Variants in CLDN23 observed in about 807,000 individuals in gnomAD.
The protein encoded by CLDN23 is claudin-23.
Under a neutral mutation model 1.4 loss-of-function variants are expected in CLDN23, and 3 were observed. That is an observed-to-expected ratio of 2.10 (90% CI 0.96 to 5.43). The LOEUF is 5.43. Among genes scored for constraint, CLDN23 ranks in the 30% most tolerant of loss-of-function variants. The pLI is 0.02. For synonymous variants in CLDN23, 291 were observed against 209.9 expected (o/e 1.39, Z -3.34); for missense variants, 597 against 433.5 (o/e 1.38, Z -3.35).
rs1802743993 is a variant in CLDN23 at position 8,702,283 on chromosome 8, G to A, written c.-116G>A. On this transcript the variant is annotated 5_prime_UTR_variant, in exon 1 of 1. Coordinates refer to ENST00000519106, the MANE Select transcript of CLDN23 (RefSeq NM_194284.3). ...GCCCGACCCGGAGCCCGGGGCGTCC[G>A]CGCTGACTTCGGGTCCCCGGAGCCT... The A allele has an allele frequency of 7.5e-6, 9 of 1,200,750 alleles. No homozygotes were observed. The South Asian group carries it at 1.4e-4, about 18-fold the overall frequency. The allele number at this position is 1,200,750 out of a possible 1,614,324, so 74.4% of individuals were successfully genotyped here.
rs1361259458 is a variant in CLDN23 at position 8,702,966 on chromosome 8, C to T, written c.568C>T (p.Arg190Cys). The T allele has an allele frequency of 6.4e-7, 1 of 1,559,744 alleles. No individual in the cohort carries two copies. The highest frequency in any genetic ancestry group is 1.2e-5 in the South Asian group (1 of 86,604). ...SFAPWCDERC[R>C]RRRKGPSAGP... ...CGCGCCCTGGTGCGACGAGCGTTGT[C>T]GCCGCCGCCGCAAGGGACCCTCCGC... The change falls in exon 1 of 1, where the codon CGC becomes TGC. Residue 190 changes from arginine (R) to cysteine (C), a missense_variant. Transcript: ENST00000519106.
rs775172857 is a variant in CLDN23 at position 8,702,479 on chromosome 8, G to A, written c.81G>A (p.Ala27=). The change falls in exon 1 of 1, where the codon GCG becomes GCA. Residue 27 remains alanine (A), a synonymous_variant. Coordinates refer to ENST00000519106, the MANE Select transcript of CLDN23 (RefSeq NM_194284.3). ...TGCTCAACCTGACCGGCACCCTGGCGCCCGGCTGGCGGCTGGTGAAGGGCT... is the reference window on the plus strand; with the variant it reads ...TGCTCAACCTGACCGGCACCCTGGCACCCGGCTGGCGGCTGGTGAAGGGCT... ...GLLLNLTGTL[A]PGWRLVKGFL... The A allele has an allele frequency of 1.9e-6, 3 of 1,607,878 alleles. No homozygotes were observed. Among genetic ancestry groups the A allele is most frequent in the African/African-American group, 1.3e-5 (1 of 74,674 alleles).
rs2117088629 is a variant in CLDN23 at position 8,702,140 on chromosome 8, T to G, written c.-259T>G. 62 of 330,736 alleles carry G rather than the reference T, an allele frequency of 1.9e-4. No homozygotes were observed. The highest frequency in any genetic ancestry group is 3.6e-4 in the East Asian group (8 of 22,126). The allele number at this position is 330,736 out of a possible 1,614,324, so 20.5% of individuals were successfully genotyped here. ...CGGTCAGACCCGCCCGCGGGCTGGT[T>G]TCGATTAGGGCCAGTAGGAGGGCGG... On this transcript the variant is annotated 5_prime_UTR_variant, in exon 1 of 1. Coordinates refer to ENST00000519106, the MANE Select transcript of CLDN23 (RefSeq NM_194284.3).
rs1486946930 is a variant in CLDN23 at position 8,703,551 on chromosome 8, G to A, written c.*274G>A. 1.1e-5 allele frequency: 4 copies of A among 358,998 alleles called. No individual in the cohort carries two copies. The highest frequency in any genetic ancestry group is 7.3e-4 in the Middle Eastern group (1 of 1,372). The allele number at this position is 358,998 out of a possible 1,614,324, so 22.2% of individuals were successfully genotyped here. The stretch of plus-strand genomic sequence containing the variant: ...TTGCTGAAGAATATATGGAAAGGGT[G>A]GCATTTGCGTCACGTGGACCAGGGA... On this transcript the variant is annotated 3_prime_UTR_variant, in exon 1 of 1. Transcript: ENST00000519106.
At position 8,702,891 on chromosome 8, in the gene CLDN23, C is replaced by A. The variant is rs372992848; in HGVS notation, c.493C>A (p.Leu165Met). 3.2e-6 allele frequency: 5 copies of A among 1,576,916 alleles called. No individual in the cohort carries two copies. In the African/African-American group the frequency reaches 5.4e-5, roughly 17 times the overall value. Residue 165 changes from leucine (L) to methionine (M), a missense_variant, in exon 1 of 1, where the codon CTG (leucine) becomes ATG (methionine). By Grantham distance (15) the Leu-to-Met change is conservative. Coordinates refer to ENST00000519106, the MANE Select transcript of CLDN23 (RefSeq NM_194284.3). ...CAGCTACAGCCTGGTCCTGGGCTAC[C>A]TGGGCAGCTGCCTCCTGCTGCTGGG... is the stretch of plus-strand genomic sequence containing the variant. ...QVSYSLVLGY[L>M]GSCLLLLGGF...
rs1054377517 is a variant in CLDN23 at position 8,702,622 on chromosome 8, A to C, written c.224A>C (p.Gln75Pro). ...GACCAGTGGGGCTACTTCGAGGCCC[A>C]GCCCGTGCTGGTGGCGCGGGCACTC... ...QTDQWGYFEA[Q>P]PVLVARALMV... Residue 75 changes from glutamine to proline, a missense_variant, in exon 1 of 1, where the codon CAG becomes CCG. Coordinates refer to ENST00000519106, the MANE Select transcript of CLDN23 (RefSeq NM_194284.3). 1.2e-5 allele frequency: 19 copies of C among 1,604,886 alleles called. No homozygotes were observed. The highest frequency in any genetic ancestry group is 1.5e-5 in the Non-Finnish European group (18 of 1,176,050).
chr8:8,702,340 A>G lies in CLDN23; in HGVS notation c.-59A>G. On this transcript the variant is annotated 5_prime_UTR_variant, in exon 1 of 1. Transcript: ENST00000519106. ...CGGCAGGGAGAAGACGACGGCGGAGAAGGCGACAGCGGAGAAGGAAGGCAG... is the reference window on the plus strand; with the variant it reads ...CGGCAGGGAGAAGACGACGGCGGAGGAGGCGACAGCGGAGAAGGAAGGCAG... 2 of 1,455,360 alleles carry G rather than the reference A, an allele frequency of 1.4e-6. No individual in the cohort carries two copies. The highest frequency in any genetic ancestry group is 1.8e-6 in the Non-Finnish European group (2 of 1,109,024). The allele number at this position is 1,455,360 out of a possible 1,614,324, so 90.2% of individuals were successfully genotyped here.
chr8:8,702,981 G>A lies in CLDN23; in HGVS notation c.583G>A (p.Gly195Arg). ...CGAGCGTTGTCGCCGCCGCCGCAAG[G>A]GACCCTCCGCCGGGCCTCGCCGCAG... ...CDERCRRRRK[G>R]PSAGPRRSSV... Residue 195 changes from glycine to arginine, a missense_variant, in exon 1 of 1, where the codon GGA becomes AGA. Transcript: ENST00000519106. 5 of 1,566,258 alleles carry A rather than the reference G, an allele frequency of 3.2e-6. No individual in the cohort carries two copies. The highest frequency in any genetic ancestry group is 4.3e-6 in the Non-Finnish European group (5 of 1,161,514).
chr8:8,702,633 G>C lies in CLDN23; in HGVS notation c.235G>C (p.Val79Leu), dbSNP rs764391144. 3 of 1,604,004 alleles carry C rather than the reference G, an allele frequency of 1.9e-6. No individual in the cohort carries two copies. Among genetic ancestry groups the C allele is most frequent in the South Asian group, 1.1e-5 (1 of 90,486 alleles). The change falls in exon 1 of 1, where the codon GTG becomes CTG. Residue 79 changes from valine (V) to leucine (L), a missense_variant. Coordinates refer to ENST00000519106, the MANE Select transcript of CLDN23 (RefSeq NM_194284.3). The part of the protein sequence containing the change: ...WGYFEAQPVL[V>L]ARALMVTSLA... Reference sequence around the variant, plus strand: ...CTACTTCGAGGCCCAGCCCGTGCTGGTGGCGCGGGCACTCATGGTCACCTC... The same window carrying C: ...CTACTTCGAGGCCCAGCCCGTGCTGCTGGCGCGGGCACTCATGGTCACCTC...
rs753957610 is a variant in CLDN23, at chr8:8,703,061, C to G, written c.663C>G (p.Ile221Met). 1 of 1,529,884 alleles carries G rather than the reference C, an allele frequency of 6.5e-7. No individual in the cohort carries two copies. The highest frequency in any genetic ancestry group is 8.7e-7 in the Non-Finnish European group (1 of 1,143,846). The allele number at this position is 1,529,884 out of a possible 1,614,324, so 94.8% of individuals were successfully genotyped here. The change falls in exon 1 of 1, where the codon ATC becomes ATG. Residue 221 changes from isoleucine (I) to methionine (M), a missense_variant. Physicochemically the swap from Ile to Met is conservative, Grantham distance 10. Coordinates refer to ENST00000519106, the MANE Select transcript of CLDN23 (RefSeq NM_194284.3). ...CCGAGCCCGACCTGGCGCCCGCCAT[C>G]AAGTACTACAGCGACGGCCAGCACC... ...EWPEPDLAPA[I>M]KYYSDGQHRP...
In CLDN23 at chr8:8,703,456, TAAAG is replaced by T. The variant is rs1018420955; in HGVS notation, c.*181_*184del. ...TTCAGGTTGGGTTTGGTTTTCTTCT[TAAAG>T]AGTTTAGTTTTCCTCTCCAGAGGGA... On this transcript the variant is annotated 3_prime_UTR_variant, in exon 1 of 1. Transcript: ENST00000519106. The T allele has an allele frequency of 5.4e-6, 3 of 551,598 alleles. No individual in the cohort carries two copies. The African/African-American group carries it at 5.9e-5, about 11-fold the overall frequency. 34.2% of individuals were successfully genotyped at this position (551,598 alleles called of 1,614,324 possible).
At position 8,702,636 on chromosome 8, in the gene CLDN23, G is replaced by T. The variant is rs1450603252; in HGVS notation, c.238G>T (p.Ala80Ser). Residue 80 changes from alanine (A) to serine (S), a missense_variant, in exon 1 of 1, where the codon GCG (alanine) becomes TCG (serine). Physicochemically the swap from Ala to Ser is moderately conservative, Grantham distance 99. Coordinates refer to ENST00000519106, the MANE Select transcript of CLDN23 (RefSeq NM_194284.3). ...CTTCGAGGCCCAGCCCGTGCTGGTG[G>T]CGCGGGCACTCATGGTCACCTCGCT... is the stretch of plus-strand genomic sequence containing the variant. ...GYFEAQPVLV[A>S]RALMVTSLAA... 4.4e-6 allele frequency: 7 copies of T among 1,603,826 alleles called. No individual in the cohort carries two copies. In the East Asian group the frequency reaches 1.1e-4, roughly 26 times the overall value.
rs1166197290 is a variant in CLDN23 at position 8,703,520 on chromosome 8, A to G, written c.*243A>G. The stretch of plus-strand genomic sequence containing the variant: ...TCTTAGGGAGTGACGGGCTTTTCAT[A>G]TATTTTTGCTGAAGAATATATGGAA... On this transcript the variant is annotated 3_prime_UTR_variant, in exon 1 of 1. Coordinates refer to ENST00000519106, the MANE Select transcript of CLDN23 (RefSeq NM_194284.3). The G allele has an allele frequency of 5.0e-6, 2 of 400,048 alleles. No individual in the cohort carries two copies. The highest frequency in any genetic ancestry group is 9.1e-6 in the Non-Finnish European group (2 of 220,270). 24.8% of individuals were successfully genotyped at this position (400,048 alleles called of 1,614,324 possible).
Position 8,703,259 on chromosome 8 carries a change from C to A in CLDN23, c.861C>A (p.Pro287=). 7.1e-7 allele frequency: 1 copy of A among 1,407,674 alleles called. No homozygotes were observed. Among genetic ancestry groups the A allele is most frequent in the South Asian group, 1.6e-5 (1 of 61,122 alleles). The allele number at this position is 1,407,674 out of a possible 1,614,324, so 87.2% of individuals were successfully genotyped here. A position where few individuals can be genotyped will look rare whatever the true frequency, so the allele number is the denominator to read the frequency against. ...CCCACCCCTGCGACAGCTCGCTGCC[C>A]TGCGACTCCGACCTCTAGACGCTTG... is the stretch of plus-strand genomic sequence containing the variant. ...CSTHPCDSSL[P]CDSDL The change falls in exon 1 of 1, where the codon CCC becomes CCA. Residue 287 remains proline, a synonymous_variant. Coordinates refer to ENST00000519106, the MANE Select transcript of CLDN23 (RefSeq NM_194284.3).
Position 8,702,320 on chromosome 8 carries a change from G to A in CLDN23, c.-79G>A. On this transcript the variant is annotated 5_prime_UTR_variant, in exon 1 of 1. Transcript: ENST00000519106. ...GGTCCCCGGAGCCTGGGGCACGGCA[G>A]GGAGAAGACGACGGCGGAGAAGGCG... 4 of 1,424,218 alleles carry A rather than the reference G, an allele frequency of 2.8e-6. No individual in the cohort carries two copies. Among genetic ancestry groups the A allele is most frequent in the Non-Finnish European group, 2.8e-6 (3 of 1,087,140 alleles). 88.2% of individuals were successfully genotyped at this position (1,424,218 alleles called of 1,614,324 possible). A position where few individuals can be genotyped will look rare whatever the true frequency, so the allele number is the denominator to read the frequency against.
Position 8,703,138 on chromosome 8 carries a change from T to C in CLDN23, c.740T>C (p.Phe247Ser). 6.5e-7 allele frequency: 1 copy of C among 1,541,880 alleles called. No individual in the cohort carries two copies. Among genetic ancestry groups the C allele is most frequent in the Non-Finnish European group, 8.7e-7 (1 of 1,152,336 alleles). ...CCCAAGCCCAAGCCCAAGGTCGGCT[T>C]CCCCATGCCGCGGCCGCGGCCCAAG... ...RKPKPKPKVG[F>S]PMPRPRPKAY... is the part of the protein sequence containing the mutation. Residue 247 changes from phenylalanine to serine, a missense_variant, in exon 1 of 1, where the codon TTC (phenylalanine) becomes TCC (serine). Phe to Ser is a radical substitution (Grantham distance 155). Transcript: ENST00000519106.
chr8:8,702,006 C>T lies in CLDN23; in HGVS notation c.-393C>T, dbSNP rs920715698. The T allele has an allele frequency of 4.3e-5, 7 of 162,200 alleles. No homozygotes were observed. Among genetic ancestry groups the T allele is most frequent in the Admixed American group, 3.9e-4 (6 of 15,516 alleles). The allele number at this position is 162,200 out of a possible 1,614,324, so 10.0% of individuals were successfully genotyped here. A position where few individuals can be genotyped will look rare whatever the true frequency, so the allele number is the denominator to read the frequency against. On this transcript the variant is annotated 5_prime_UTR_variant, in exon 1 of 1. Coordinates refer to ENST00000519106, the MANE Select transcript of CLDN23 (RefSeq NM_194284.3). ...GCTCGGATCCCCATCTCACCTGCCG[C>T]GGGCGAGGTGGCCCCGCCGCTTCCT...
Position 8,702,271 on chromosome 8 carries a change from C to T in CLDN23, c.-128C>T. ...CAGGGCTCAGGAGCCCGACCCGGAGCCCGGGGCGTCCGCGCTGACTTCGGG... is the reference window on the plus strand; with the variant it reads ...CAGGGCTCAGGAGCCCGACCCGGAGTCCGGGGCGTCCGCGCTGACTTCGGG... On this transcript the variant is annotated 5_prime_UTR_variant, in exon 1 of 1. Transcript: ENST00000519106. The T allele has an allele frequency of 4.8e-6, 5 of 1,039,978 alleles. No homozygotes were observed. Among genetic ancestry groups the T allele is most frequent in the Non-Finnish European group, 6.7e-6 (5 of 751,042 alleles). The allele number at this position is 1,039,978 out of a possible 1,614,324, so 64.4% of individuals were successfully genotyped here.
Position 8,702,369 on chromosome 8 carries a change from G to T in CLDN23, c.-30G>T. The T allele has an allele frequency of 1.3e-6, 2 of 1,486,694 alleles. No homozygotes were observed. The highest frequency in any genetic ancestry group is 8.9e-7 in the Non-Finnish European group (1 of 1,124,224). 92.1% of individuals were successfully genotyped at this position (1,486,694 alleles called of 1,614,324 possible). A position where few individuals can be genotyped will look rare whatever the true frequency, so the allele number is the denominator to read the frequency against. ...CGACAGCGGAGAAGGAAGGCAGGCT[G>T]CAGGGGCGCCGTCGGCGCGGCGGGC... On this transcript the variant is annotated 5_prime_UTR_variant, in exon 1 of 1. Coordinates refer to ENST00000519106, the MANE Select transcript of CLDN23 (RefSeq NM_194284.3).
Sources: allele counts gnomAD v4.1 joint callset, GRCh38; gene constraint gnomAD v4.1.1; transcripts MANE v1.5; gene names NCBI Gene and HGNC (gene_info 2026-07-23, HGNC 2026-07-21).